Variants in PXK observed in about 807,000 individuals in gnomAD.
The protein encoded by PXK is PX domain-containing protein kinase-like protein.
Under a neutral mutation model 84.7 loss-of-function variants are expected in PXK, and 35 were observed. That is an observed-to-expected ratio of 0.41 (90% confidence interval 0.32 to 0.55). The LOEUF (loss-of-function observed/expected upper bound fraction) is 0.55. Ranked by LOEUF, PXK falls within the 20% of genes least tolerant of loss-of-function variation. PXK has a pLI of 0.21. For missense variants in PXK, 634 were observed against 699.7 expected (o/e 0.91, Z 1.06); for synonymous variants, 253 against 260.8 (o/e 0.97, Z 0.29).
chr3:58,396,146 C>G (rs1485884194), intron 9 of PXK, among the ~76,000 whole-genome samples: 1 of 152,164 alleles, frequency 6.6e-6, no homozygotes, highest in Non-Finnish European at 1.5e-5. Context: ...ACATCACCCT[C>G]TAGATCAGGA....
chr3:58,414,482 G>GT lies in PXK; in HGVS notation c.1528+1520dup, dbSNP rs1381060745. 6.6e-6 allele frequency: 1 copy of GT among 152,168 alleles called. No homozygotes were observed. The highest frequency in any genetic ancestry group is 6.5e-5 in the Admixed American group (1 of 15,278). The allele number at this position is 152,168 out of a possible 1,614,324, so 9.4% of individuals were successfully genotyped here. A position where few individuals can be genotyped will look rare whatever the true frequency, so the allele number is the denominator to read the frequency against. The stretch of plus-strand genomic sequence containing the variant: ...TAAATGGGTGCTGTCTCATACAGTA[G>GT]TAAGTTTGCGTGAGATAAGGTAACT... On this transcript the variant is annotated intron_variant, in intron 17 of 17. Coordinates refer to ENST00000356151, the MANE Select transcript of PXK (RefSeq NM_017771.5). This position sits in a 1 kb window ranked among gnomAD's most constrained non-coding sequence, Gnocchi z 4.5.
chr3:58,386,345 G>T (rs1191338151), intron 4 of PXK, among the ~76,000 whole-genome samples: 4 of 141,308 alleles, frequency 2.8e-5, no homozygotes, highest in African/African-American at 1.1e-4. Context: ...GGCCAGGCTG[G>T]AGTGCTGTAG....
At chr3:58,339,883 C>T (rs946703321) in intron 1 of PXK, among the ~76,000 whole-genome samples, 2 of 151,846 alleles carry the variant, frequency 1.3e-5, no homozygotes, top group Non-Finnish European at 2.9e-5. Flanking sequence ...GGCGCGATCT[C>T]GGCTCACTGC....
intron 9 of PXK, 50 bp from the exon 10 acceptor site, chr3:58,396,987 TTA>T (rs765623264): frequency 7.7e-6 from 12 of 1,557,720 alleles, no homozygotes; most frequent in Non-Finnish European, 9.6e-6. Flanking sequence ...TTAACTTGTC[TTA>T]TATCTGAATG....
intron 13 of PXK, among the ~76,000 whole-genome samples, chr3:58,405,028 G>A (rs1249016999): frequency 4.6e-5 from 7 of 152,162 alleles, no homozygotes; most frequent in Non-Finnish European, 1.0e-4. Flanking sequence ...CTGACAGTCT[G>A]GCCTTTAGGA....
chr3:58,351,395 TTGTGTGTGTGTGTG>T (rs57349140), intron 1 of PXK, among the ~76,000 whole-genome samples: 14 of 140,688 alleles, frequency 1.0e-4, no homozygotes, highest in African/African-American at 3.0e-4. Flanking sequence ...AGCTAGCTAT[TTGTGTGTGTGTGTG>T]TGTGTGTGTG....
intron 3 of PXK, among the ~76,000 whole-genome samples, chr3:58,377,019 C>T (rs1433846552): frequency 6.6e-6 from 1 of 152,132 alleles, no homozygotes; most frequent in Non-Finnish European, 1.5e-5. Context: ...AAGTGATGTA[C>T]TTTCTTCATA....
At chr3:58,372,011 T>A (rs932437929) in intron 3 of PXK, among the ~76,000 whole-genome samples, 1 of 152,174 alleles carries the variant, frequency 6.6e-6, no homozygotes, top group African/African-American at 2.4e-5. Context: ...AATGAGTTCC[T>A]GCTGAAGAAA....
rs865999921 is a variant in PXK, at chr3:58,425,750, T to C, written c.*790T>C. ...GGTCATTGTTACAACAGAAGTAAATTTGGCATCTATAGAAATCAATTATGA... is the reference window on the plus strand; with the variant it reads ...GGTCATTGTTACAACAGAAGTAAATCTGGCATCTATAGAAATCAATTATGA... On this transcript the variant is annotated 3_prime_UTR_variant, in exon 18 of 18. Transcript: ENST00000356151. 5.9e-5 allele frequency: 9 copies of C among 152,202 alleles called. No homozygotes were observed. Among genetic ancestry groups the C allele is most frequent in the Admixed American group, 1.3e-4 (2 of 15,276 alleles). The allele number at this position is 152,202 out of a possible 1,614,324, so 9.4% of individuals were successfully genotyped here.
chr3:58,395,633 A>T lies in PXK; in HGVS notation c.721-25A>T, dbSNP rs764014948. On this transcript the variant is annotated intron_variant, in intron 8 of 17. Transcript: ENST00000356151. ...ATATTGGCCCCTCTGCTGCTTTCTT[A>T]CGTGTTCTTTGTTCTTTTCCAAAGG... 11 of 1,554,182 alleles carry T rather than the reference A, an allele frequency of 7.1e-6. No individual in the cohort carries two copies. In the Admixed American group the frequency reaches 1.9e-4, roughly 26 times the overall value.
chr3:58,390,451 T>C lies in PXK; in HGVS notation c.389-131T>C, dbSNP rs751243686. On this transcript the variant is annotated intron_variant, in intron 4 of 17. Coordinates refer to ENST00000356151, the MANE Select transcript of PXK (RefSeq NM_017771.5). The surrounding 1 kb of genome is among the most constrained non-coding windows in gnomAD (Gnocchi z 4.2). ...TGTGTATTTTCTTTCTTTATTATTA[T>C]TTTTTTTTTGGTAATTAAGTTTTTT... 116 of 372,124 alleles carry C rather than the reference T, an allele frequency of 3.1e-4. No individual in the cohort carries two copies. Among genetic ancestry groups the C allele is most frequent in the Non-Finnish European group, 5.1e-4 (110 of 216,988 alleles). 23.1% of individuals were successfully genotyped at this position (372,124 alleles called of 1,614,324 possible). A position where few individuals can be genotyped will look rare whatever the true frequency, so the allele number is the denominator to read the frequency against.
Position 58,385,493 on chromosome 3 carries a change from G to T in PXK, c.388+2793G>T, listed in dbSNP as rs1173947091. On this transcript the variant is annotated intron_variant, in intron 4 of 17. Transcript: ENST00000356151. This position sits in a 1 kb window ranked among gnomAD's most constrained non-coding sequence, Gnocchi z 5.1. ...CACCTTGTGGCACTTCTCTAAGCAG[G>T]GCCGCTTTCCCTGTTTGTTTTTTGA... 6.6e-6 allele frequency among the ~76,000 whole-genome samples: 1 copy of T among 152,090 alleles called. No individual in the cohort carries two copies. Among genetic ancestry groups the T allele is most frequent in the Non-Finnish European group, 1.5e-5 (1 of 68,006 alleles).
intron 9 of PXK, among the ~76,000 whole-genome samples, chr3:58,396,169 C>T (rs2057633179): frequency 6.6e-6 from 1 of 152,144 alleles, no homozygotes; most frequent in African/African-American, 2.4e-5. Flanking sequence ...CTCCAAGCTT[C>T]TGGGATTATG....
chr3:58,408,930 A>G lies in PXK; in HGVS notation c.1237A>G (p.Thr413Ala). The change falls in exon 14 of 18, where the codon ACA (threonine) becomes GCA (alanine). Residue 413 changes from threonine to alanine, a missense_variant. Coordinates refer to ENST00000356151, the MANE Select transcript of PXK (RefSeq NM_017771.5). ...TACTTTTCTCTCCTTTCAGATCCCTACAAAGTTAAAAGAGGCATTGAGAAT... is the reference window on the plus strand; with the variant it reads ...TACTTTTCTCTCCTTTCAGATCCCTGCAAAGTTAAAAGAGGCATTGAGAAT... ...TSEKPQFKIPTKLKEALRIAK... is the reference protein window; with the variant it reads ...TSEKPQFKIPAKLKEALRIAK... The G allele has an allele frequency of 6.3e-7, 1 of 1,576,496 alleles. No individual in the cohort carries two copies. The highest frequency in any genetic ancestry group is 8.7e-7 in the Non-Finnish European group (1 of 1,146,002).
At chr3:58,423,635 T>C (rs1037285356) in intron 17 of PXK, 13 of 1,414,106 alleles carry the variant, frequency 9.2e-6, no homozygotes, top group South Asian at 2.8e-5. Context: ...CTGTTACTTA[T>C]CACAACTCAG....
At chr3:58,335,724 C>T (rs2097579938) in intron 1 of PXK, among the ~76,000 whole-genome samples, 2 of 152,036 alleles carry the variant, frequency 1.3e-5, no homozygotes. Flanking sequence ...GACCTTAATA[C>T]AGGTCTGAGC....
intron 12 of PXK, among the ~76,000 whole-genome samples, chr3:58,402,162 C>T (rs2058671448): frequency 6.6e-6 from 1 of 152,092 alleles, no homozygotes; most frequent in Non-Finnish European, 1.5e-5. Flanking sequence ...CTGTTTTACC[C>T]AGCAGTTCAG....
chr3:58,405,690 AAAG>A (rs2059291563), intron 13 of PXK, among the ~76,000 whole-genome samples: 1 of 151,652 alleles, frequency 6.6e-6, no homozygotes, highest in Non-Finnish European at 1.5e-5. Context: ...AAAAAAAAAA[AAAG>A]GAGAAATGAT....
rs371293156 is a variant in PXK at position 58,403,827 on chromosome 3, C to T, written c.1182-35C>T. On this transcript the variant is annotated intron_variant, in intron 12 of 17. Transcript: ENST00000356151. Reference sequence around the variant, plus strand: ...TCCTAGTCTGAGAGTGCACGTGGTTCAAGAAAGATTTTTGTTTGTTTCTTT... The same window carrying T: ...TCCTAGTCTGAGAGTGCACGTGGTTTAAGAAAGATTTTTGTTTGTTTCTTT... 10 of 1,460,950 alleles carry T rather than the reference C, an allele frequency of 6.8e-6. No homozygotes were observed. The African/African-American group carries it at 1.3e-4, about 18-fold the overall frequency. 90.5% of individuals were successfully genotyped at this position (1,460,950 alleles called of 1,614,324 possible).
Sources: allele counts gnomAD v4.1 joint callset (sites outside exome capture counted in the v4.1 genomes callset), GRCh38; gene constraint gnomAD v4.1.1; non-coding constraint Gnocchi (gnomAD v3.1); transcripts MANE v1.5; gene names NCBI Gene and HGNC (gene_info 2026-07-23, HGNC 2026-07-21).